Variants in CACNA1B observed in about 807,000 individuals in gnomAD.
CACNA1B encodes the protein voltage-dependent N-type calcium channel subunit alpha-1B.
A neutral mutation model predicts 247.2 loss-of-function variants in CACNA1B; 70 were observed. The ratio of observed to expected loss-of-function variants is 0.28; its 90% CI spans 0.23 to 0.35. The LOEUF (loss-of-function observed/expected upper bound fraction) is 0.35. Among genes scored for constraint, CACNA1B ranks in the 10% least tolerant of loss-of-function variants. The probability of loss-of-function intolerance (pLI) is 1.00; values close to 1 mark genes in which losing one functional copy is unlikely to be tolerated. For synonymous variants in CACNA1B, 1,231 were observed against 1,294.4 expected (o/e 0.95, Z 1.05); for missense variants, 2,367 against 3,197.4 (o/e 0.74, Z 6.26).
At chr9:138,008,358 G>T (rs976510214) in intron 16 of CACNA1B, among the ~76,000 whole-genome samples, 1 of 152,194 alleles carries the variant, frequency 6.6e-6, no homozygotes, top group African/African-American at 2.4e-5. Context: ...TCCACTCAGC[G>T]TTAGTCCTGC....
Position 138,076,902 on chromosome 9 carries a change from G to A in CACNA1B, c.4949+992G>A, listed in dbSNP as rs1174089232. ...AGACCTCTTAGACTCTTGTTTCTTT[G>A]CATAACATAAGCAAGCACCCTTAGG... is the stretch of plus-strand genomic sequence containing the variant. On this transcript the variant is annotated intron_variant, in intron 35 of 46. Coordinates refer to ENST00000371372, the MANE Select transcript of CACNA1B (RefSeq NM_000718.4). 2.6e-5 allele frequency among the ~76,000 whole-genome samples: 4 copies of A among 152,210 alleles called. No individual in the cohort carries two copies. In the South Asian group the frequency reaches 6.2e-4, roughly 24 times the overall value.
chr9:137,992,337 CAAAG>C (rs1958440663), intron 15 of CACNA1B, among the ~76,000 whole-genome samples: 1 of 152,006 alleles, frequency 6.6e-6, no homozygotes, highest in African/African-American at 2.4e-5. Flanking sequence ...TTAAAAAAGA[CAAAG>C]AGGGACATTA....
chr9:138,113,821 GGGA>G (rs1961753250), intron 40 of CACNA1B, among the ~76,000 whole-genome samples: 6 of 135,246 alleles, frequency 4.4e-5, no homozygotes, highest in Admixed American at 3.6e-4. Flanking sequence ...AGGGAGCGCC[GGGA>G]GGTGCCCAAC....
intron 6 of CACNA1B, among the ~76,000 whole-genome samples, chr9:137,925,156 C>T (rs558240492): frequency 1.3e-5 from 2 of 152,350 alleles, no homozygotes; most frequent in South Asian, 4.1e-4. Context: ...ACCACCACAA[C>T]AGGAAATAAG....
intron 20 of CACNA1B, among the ~76,000 whole-genome samples, chr9:138,035,403 G>C (rs1361557393): frequency 1.3e-5 from 2 of 152,186 alleles, no homozygotes; most frequent in African/African-American, 4.8e-5. Context: ...AGACTGCAGT[G>C]AGCCGTGAGC....
intron 42 of CACNA1B, among the ~76,000 whole-genome samples, chr9:138,116,747 C>T (rs897088758): frequency 6.6e-5 from 10 of 152,218 alleles, no homozygotes; most frequent in Non-Finnish European, 1.3e-4. Context: ...TGGCCTTGGA[C>T]GTGGTGTTAT....
At chr9:137,911,593 T>TC in intron 3 of CACNA1B, among the ~76,000 whole-genome samples, 1 of 152,286 alleles carries the variant, frequency 6.6e-6, no homozygotes, top group East Asian at 1.9e-4. Context: ...TTTTTGTATT[T>TC]TTTTTTGTAG....
At position 137,986,143 on chromosome 9, in the gene CACNA1B, C is replaced by T. The variant is rs12001491; in HGVS notation, c.1770-270C>T. ...GGCCTGGCCACCTGGATGGTGGCCT[C>T]GTCCTCCTGAACCTAGGGACAGGGA... On this transcript the variant is annotated intron_variant, in intron 13 of 46. Coordinates refer to ENST00000371372, the MANE Select transcript of CACNA1B (RefSeq NM_000718.4). This position sits in a 1 kb window ranked among gnomAD's most constrained non-coding sequence, Gnocchi z 6.0. Among the ~76,000 whole-genome samples, 47,100 of 151,970 alleles carry T rather than the reference C, an allele frequency of 0.31. 9,611 individuals carry two copies. The highest frequency in any genetic ancestry group is 0.65 in the East Asian group (3,315 of 5,118).
At position 137,882,710 on chromosome 9, in the gene CACNA1B, G is replaced by T. The variant is rs41289999; in HGVS notation, c.391-34G>T. On this transcript the variant is annotated intron_variant, in intron 2 of 46. Coordinates refer to ENST00000371372, the MANE Select transcript of CACNA1B (RefSeq NM_000718.4). The surrounding 1 kb of genome is among the most constrained non-coding windows in gnomAD (Gnocchi z 4.0). ...CTGCCCGCTACTACACCGGGTAGGG[G>T]CCAGGGGTGACCACTGTTCTGCGCT... is the stretch of plus-strand genomic sequence containing the variant. 4.3e-3 allele frequency: 6,999 copies of T among 1,613,500 alleles called. 40 individuals carry two copies. Among genetic ancestry groups the T allele is most frequent in the Middle Eastern group, 0.017 (102 of 6,056 alleles).
intron 39 of CACNA1B, among the ~76,000 whole-genome samples, chr9:138,108,470 GTA>G (rs1554759557): frequency 2.0e-5 from 3 of 152,036 alleles, no homozygotes; most frequent in Non-Finnish European, 4.4e-5. Flanking sequence ...TGCCAATTCT[GTA>G]TAGACTCTTC....
intron 15 of CACNA1B, among the ~76,000 whole-genome samples, chr9:138,004,314 A>AG (rs548641338): frequency 3.5e-4 from 53 of 151,984 alleles, no homozygotes; most frequent in Non-Finnish European, 6.5e-4. Flanking sequence ...CAGGAGGCTG[A>AG]GGGGGGGCTG....
At position 138,073,426 on chromosome 9, in the gene CACNA1B, C is replaced by T. The variant is rs1169419679; in HGVS notation, c.4675-62C>T. On this transcript the variant is annotated intron_variant, in intron 32 of 46. Coordinates refer to ENST00000371372, the MANE Select transcript of CACNA1B (RefSeq NM_000718.4). This position sits in a 1 kb window ranked among gnomAD's most constrained non-coding sequence, Gnocchi z 6.4. ...GATGTGGGAAGAGGTTGTAGGGTGG[C>T]AGCAGCTTGCCTGCGCTTTCGGGGC... 1.0e-6 allele frequency: 1 copy of T among 962,006 alleles called. No individual in the cohort carries two copies. The highest frequency in any genetic ancestry group is 1.7e-6 in the Non-Finnish European group (1 of 590,716). 59.6% of individuals were successfully genotyped at this position (962,006 alleles called of 1,614,324 possible).
intron 35 of CACNA1B, among the ~76,000 whole-genome samples, chr9:138,077,230 C>T (rs897734632): frequency 6.6e-6 from 1 of 152,186 alleles, no homozygotes; most frequent in Non-Finnish European, 1.5e-5. Context: ...GCTGCGCACA[C>T]AGACACACGG....
intron 39 of CACNA1B, among the ~76,000 whole-genome samples, chr9:138,107,403 A>G (rs971251772): frequency 4.0e-5 from 6 of 151,706 alleles, no homozygotes; most frequent in African/African-American, 1.5e-4. Flanking sequence ...CCACTCCTCC[A>G]TACTAGTTTT....
At chr9:137,892,166 A>G (rs1427762714) in intron 3 of CACNA1B, 1 of 456,738 alleles carries the variant, frequency 2.2e-6, no homozygotes, top group African/African-American at 2.0e-5. Context: ...CCCTTGAACG[A>G]CTGGACACTG....
chr9:137,901,675 G>A (rs1478610495), intron 3 of CACNA1B, among the ~76,000 whole-genome samples: 1 of 144,114 alleles, frequency 6.9e-6, no homozygotes, highest in Non-Finnish European at 1.5e-5. Context: ...CATCATTAGG[G>A]TTTTTTTGTG....
intron 41 of CACNA1B, 47 bp from the exon 42 acceptor site, chr9:138,115,505 T>G: frequency 6.3e-7 from 1 of 1,592,894 alleles, no homozygotes; most frequent in Non-Finnish European, 8.6e-7. Flanking sequence ...AGAGGCCACA[T>G]TGCAGGCCCA....
chr9:137,932,296 T>G (rs577174218), intron 6 of CACNA1B, among the ~76,000 whole-genome samples: 3 of 152,314 alleles, frequency 2.0e-5, no homozygotes, highest in Non-Finnish European at 4.4e-5. Context: ...GGCTCATTTG[T>G]GTCTGGTGGT....
At chr9:138,000,364 C>T (rs986677374) in intron 15 of CACNA1B, among the ~76,000 whole-genome samples, 4 of 152,168 alleles carry the variant, frequency 2.6e-5, no homozygotes, top group African/African-American at 7.2e-5. Flanking sequence ...TCCCAAAGTG[C>T]TGGGATTACA....
Sources: allele counts gnomAD v4.1 joint callset (sites outside exome capture counted in the v4.1 genomes callset), GRCh38; gene constraint gnomAD v4.1.1; non-coding constraint Gnocchi (gnomAD v3.1); transcripts MANE v1.5; gene names NCBI Gene and HGNC (gene_info 2026-07-23, HGNC 2026-07-21).